The following SCRT2 variants were observed in gnomAD, a reference collection of about 807,000 sequenced individuals.
SCRT2 encodes transcriptional repressor scratch 2.
A neutral mutation model predicts 3.7 loss-of-function variants in SCRT2; 2 were observed. The observed-to-expected ratio is 0.54, with a 90% confidence interval of 0.22 to 1.70. The LOEUF is 1.70. SCRT2 is among the 40% of genes most tolerant of loss of function. The pLI is 0.19. For missense variants in SCRT2, 456 were observed against 468.5 expected (o/e 0.97, Z 0.25); for synonymous variants, 256 against 220.6 (o/e 1.16, Z -1.42).
intron 1 of SCRT2, among the ~76,000 whole-genome samples, chr20:668,959 G>T (rs1043768919): frequency 1.1e-4 from 16 of 152,230 alleles, no homozygotes; most frequent in Admixed American, 6.5e-4. Context: ...AGAGAGGGGA[G>T]AGGATTTGCC....
chr20:675,631 G>T lies in SCRT2; in HGVS notation c.-30C>A. 1 of 1,261,846 alleles carries T rather than the reference G, an allele frequency of 7.9e-7. No homozygotes were observed. The highest frequency in any genetic ancestry group is 1.6e-5 in the African/African-American group (1 of 64,482). 78.2% of individuals were successfully genotyped at this position (1,261,846 alleles called of 1,614,324 possible). On this transcript the variant is annotated 5_prime_UTR_variant, in exon 1 of 2. Coordinates refer to ENST00000246104, the MANE Select transcript of SCRT2 (RefSeq NM_033129.4). The surrounding 1 kb of genome is among the most constrained non-coding windows in gnomAD (Gnocchi z 6.9). Reference sequence around the variant, plus strand: ...CGGCCGGCGCGGGGCTCGGTGCGGGGAGGCGGCCGGCCGGGCGCGATCGGC... The same window carrying T: ...CGGCCGGCGCGGGGCTCGGTGCGGGTAGGCGGCCGGCCGGGCGCGATCGGC...
rs1984082350 is a variant in SCRT2 at position 664,365 on chromosome 20, G to A, written c.230C>T (p.Ala77Val). The A allele has an allele frequency of 2.1e-6, 3 of 1,447,970 alleles. No individual in the cohort carries two copies. The highest frequency in any genetic ancestry group is 1.4e-5 in the African/African-American group (1 of 69,074). The allele number at this position is 1,447,970 out of a possible 1,614,324, so 89.7% of individuals were successfully genotyped here. ...APAEPAYPPA[A>V]PEEYSDPESP... ...TTCGGGGTCGCTGTACTCCTCCGGC[G>A]CCGCCGGCGGGTACGCGGGCTCGGC... The change falls in exon 2 of 2, where the codon GCG (alanine) becomes GTG (valine). Residue 77 changes from alanine to valine, a missense_variant. This residue lies in a region of SCRT2 where 306 missense variants were observed against 305.3 expected (regional missense o/e 1.00). Coordinates refer to ENST00000246104, the MANE Select transcript of SCRT2 (RefSeq NM_033129.4). The surrounding 1 kb of genome is among the most constrained non-coding windows in gnomAD (Gnocchi z 7.9).
intron 1 of SCRT2, among the ~76,000 whole-genome samples, chr20:673,928 C>T (rs1955011868): frequency 6.6e-6 from 1 of 152,202 alleles, no homozygotes; most frequent in Admixed American, 6.5e-5. Flanking sequence ...GCACACTCTC[C>T]AGCTTTGGCA....
chr20:674,442 A>ACACAC (rs1984455804), intron 1 of SCRT2, among the ~76,000 whole-genome samples: 2 of 87,814 alleles, frequency 2.3e-5, no homozygotes, highest in East Asian at 2.9e-4. Flanking sequence ...CACACACACA[A>ACACAC]CCCAAAGCTG....
rs753427110 is a variant in SCRT2, at chr20:666,484, GC to G, written c.134-2024del. On this transcript the variant is annotated intron_variant, in intron 1 of 1. Coordinates refer to ENST00000246104, the MANE Select transcript of SCRT2 (RefSeq NM_033129.4). This position sits in a 1 kb window ranked among gnomAD's most constrained non-coding sequence, Gnocchi z 4.4. ...ACTTACTGTGTGCACCAGGCTCTGT[GC>G]TAAGTGCTTCGCTCCCATCATCTCA... 6.6e-6 allele frequency among the ~76,000 whole-genome samples: 1 copy of G among 152,194 alleles called. No individual in the cohort carries two copies. Among genetic ancestry groups the G allele is most frequent in the Non-Finnish European group, 1.5e-5 (1 of 68,036 alleles).
At position 675,431 on chromosome 20, in the gene SCRT2, C is replaced by T; in HGVS notation, c.133+38G>A. Reference sequence around the variant, plus strand: ...GGGAGGGCCCCAGCTCCCCTCGCCTCTTCTCCCAACCCCCCGCCCCCGCCG... The same window carrying T: ...GGGAGGGCCCCAGCTCCCCTCGCCTTTTCTCCCAACCCCCCGCCCCCGCCG... On this transcript the variant is annotated intron_variant, in intron 1 of 1. Coordinates refer to ENST00000246104, the MANE Select transcript of SCRT2 (RefSeq NM_033129.4). This position sits in a 1 kb window ranked among gnomAD's most constrained non-coding sequence, Gnocchi z 6.9. 3.1e-6 allele frequency: 4 copies of T among 1,290,758 alleles called. No individual in the cohort carries two copies. Among genetic ancestry groups the T allele is most frequent in the South Asian group, 2.5e-5 (1 of 39,644 alleles). The allele number at this position is 1,290,758 out of a possible 1,614,324, so 80.0% of individuals were successfully genotyped here. A position where few individuals can be genotyped will look rare whatever the true frequency, so the allele number is the denominator to read the frequency against.
chr20:667,104 C>T lies in SCRT2; in HGVS notation c.134-2643G>A, dbSNP rs1011537212. On this transcript the variant is annotated intron_variant, in intron 1 of 1. Transcript: ENST00000246104. This position sits in a 1 kb window ranked among gnomAD's most constrained non-coding sequence, Gnocchi z 4.4. ...CGATTTGGCCTCTGTGTGACTCTAC[C>T]GTTTCAGTAAGGGGTCTGCCAGTAA... 7.2e-5 allele frequency among the ~76,000 whole-genome samples: 11 copies of T among 152,154 alleles called. No homozygotes were observed. Among genetic ancestry groups the T allele is most frequent in the Admixed American group, 4.6e-4 (7 of 15,278 alleles).
In SCRT2 at chr20:664,319, C is replaced by T. The variant is rs1192074091; in HGVS notation, c.276G>A (p.Ser92=). 6.7e-7 allele frequency: 1 copy of T among 1,503,658 alleles called. No homozygotes were observed. The highest frequency in any genetic ancestry group is 9.0e-7 in the Non-Finnish European group (1 of 1,116,852). 93.1% of individuals were successfully genotyped at this position (1,503,658 alleles called of 1,614,324 possible). A position where few individuals can be genotyped will look rare whatever the true frequency, so the allele number is the denominator to read the frequency against. The change falls in exon 2 of 2, where the codon TCG becomes TCA. Residue 92 remains serine, a synonymous_variant. Coordinates refer to ENST00000246104, the MANE Select transcript of SCRT2 (RefSeq NM_033129.4). The surrounding 1 kb of genome is among the most constrained non-coding windows in gnomAD (Gnocchi z 7.9). ...CCGCCTCCCCTCGGAAGTAGCGCGC[C>T]GACAGGCTCGACTGCGGGCTTTCGG... is the stretch of plus-strand genomic sequence containing the variant. ...SDPESPQSSL[S]ARYFRGEAAV...
chr20:674,046 G>A (rs1173478286), intron 1 of SCRT2, among the ~76,000 whole-genome samples: 1 of 152,188 alleles, frequency 6.6e-6, no homozygotes, highest in Non-Finnish European at 1.5e-5. Context: ...AAAGAGGACA[G>A]TAGAATAAGG....
In SCRT2 at chr20:663,649, G is replaced by A. The variant is rs1984035927; in HGVS notation, c.*22C>T. The A allele has an allele frequency of 7.2e-7, 1 of 1,387,336 alleles. No individual in the cohort carries two copies. Among genetic ancestry groups the A allele is most frequent in the East Asian group, 3.0e-5 (1 of 33,400 alleles). The allele number at this position is 1,387,336 out of a possible 1,614,324, so 85.9% of individuals were successfully genotyped here. A position where few individuals can be genotyped will look rare whatever the true frequency, so the allele number is the denominator to read the frequency against. On this transcript the variant is annotated 3_prime_UTR_variant, in exon 2 of 2. Transcript: ENST00000246104. The surrounding 1 kb of genome is among the most constrained non-coding windows in gnomAD (Gnocchi z 6.9). ...GGGGCGCGTGGAGAGCGAGTTCCGG[G>A]CGCGAGGGCGAGGCGGAAGGCTCAG...
chr20:673,394 C>T (rs1984408595), intron 1 of SCRT2, among the ~76,000 whole-genome samples: 1 of 152,218 alleles, frequency 6.6e-6, no homozygotes, highest in Non-Finnish European at 1.5e-5. Context: ...TCTTTCACTG[C>T]TGGGGAGGCT....
rs1006999028 is a variant in SCRT2 at position 663,646 on chromosome 20, C to T, written c.*25G>A. On this transcript the variant is annotated 3_prime_UTR_variant, in exon 2 of 2. Coordinates refer to ENST00000246104, the MANE Select transcript of SCRT2 (RefSeq NM_033129.4). This position sits in a 1 kb window ranked among gnomAD's most constrained non-coding sequence, Gnocchi z 6.9. The stretch of plus-strand genomic sequence containing the variant: ...CCCGGGGCGCGTGGAGAGCGAGTTC[C>T]GGGCGCGAGGGCGAGGCGGAAGGCT... 1.4e-6 allele frequency: 2 copies of T among 1,379,940 alleles called. No homozygotes were observed. The highest frequency in any genetic ancestry group is 3.1e-5 in the African/African-American group (2 of 65,300). The allele number at this position is 1,379,940 out of a possible 1,614,324, so 85.5% of individuals were successfully genotyped here. A position where few individuals can be genotyped will look rare whatever the true frequency, so the allele number is the denominator to read the frequency against.
chr20:675,360 C>T lies in SCRT2; in HGVS notation c.133+109G>A, dbSNP rs934499947. On this transcript the variant is annotated intron_variant, in intron 1 of 1. Coordinates refer to ENST00000246104, the MANE Select transcript of SCRT2 (RefSeq NM_033129.4). This position sits in a 1 kb window ranked among gnomAD's most constrained non-coding sequence, Gnocchi z 6.9. Reference sequence around the variant, plus strand: ...GAGCCCACGGCCAGAGAGATCTCCTCCCGGGGGTTTCCTGTCGCACGCGCC... The same window carrying T: ...GAGCCCACGGCCAGAGAGATCTCCTTCCGGGGGTTTCCTGTCGCACGCGCC... 25 of 963,648 alleles carry T rather than the reference C, an allele frequency of 2.6e-5. No individual in the cohort carries two copies. The highest frequency in any genetic ancestry group is 4.3e-5 in the Admixed American group (1 of 23,156). The allele number at this position is 963,648 out of a possible 1,614,324, so 59.7% of individuals were successfully genotyped here.
intron 1 of SCRT2, among the ~76,000 whole-genome samples, chr20:672,519 A>C (rs538440848): frequency 5.3e-5 from 8 of 151,724 alleles, no homozygotes; most frequent in African/African-American, 1.7e-4. Context: ...CACCTCTTTA[A>C]TTTGGGGTTC....
rs1319875665 is a variant in SCRT2, at chr20:663,750, T to C, written c.845A>G (p.Tyr282Cys). The C allele has an allele frequency of 1.3e-6, 2 of 1,570,732 alleles. No individual in the cohort carries two copies. The highest frequency in any genetic ancestry group is 1.9e-5 in the Admixed American group (1 of 53,614). ...QCDKSFALKS[Y>C]LHKHCEAACA... Reference sequence around the variant, plus strand: ...GGCCGCCTCGCAGTGCTTGTGGAGGTAGGACTTGAGCGCGAAGCTCTTGTC... The same window carrying C: ...GGCCGCCTCGCAGTGCTTGTGGAGGCAGGACTTGAGCGCGAAGCTCTTGTC... Residue 282 changes from tyrosine (Y) to cysteine (C), a missense_variant, in exon 2 of 2, where the codon TAC (tyrosine) becomes TGC (cysteine). Transcript: ENST00000246104. The surrounding 1 kb of genome is among the most constrained non-coding windows in gnomAD (Gnocchi z 6.9).
chr20:672,388 CGTGTGTGTGTGTGT>C (rs6147265), intron 1 of SCRT2, among the ~76,000 whole-genome samples: 9 of 147,184 alleles, frequency 6.1e-5, no homozygotes, highest in East Asian at 2.0e-4. Flanking sequence ...GAGCATTGCT[CGTGTGTGTGTGTGT>C]GTGTGTGTGT....
rs913495428 is a variant in SCRT2 at position 664,450 on chromosome 20, G to T, written c.145C>A (p.His49Asn). 7.9e-7 allele frequency: 1 copy of T among 1,272,638 alleles called. No individual in the cohort carries two copies. 78.8% of individuals were successfully genotyped at this position (1,272,638 alleles called of 1,614,324 possible). The change falls in exon 2 of 2, where the codon CAC becomes AAC. Residue 49 changes from histidine (H) to asparagine (N), a missense_variant. Transcript: ENST00000246104. This position sits in a 1 kb window ranked among gnomAD's most constrained non-coding sequence, Gnocchi z 7.9. The part of the protein sequence containing the change: ...GPPGDNGYAP[H>N]RLPPSSYDAD... ...TCGTAGCTGCTCGGGGGCAGGCGGT[G>T]CGGGGCGTACCCTGGAGGGGGCGAG...
chr20:664,568 G>C lies in SCRT2; in HGVS notation c.134-107C>G. Reference sequence around the variant, plus strand: ...CTTCCAGCTTGGCGCCCCTGTGGCAGCTCCGACAGTGGTGGTCTCCGACCT... The same window carrying C: ...CTTCCAGCTTGGCGCCCCTGTGGCACCTCCGACAGTGGTGGTCTCCGACCT... On this transcript the variant is annotated intron_variant, in intron 1 of 1. Transcript: ENST00000246104. This position sits in a 1 kb window ranked among gnomAD's most constrained non-coding sequence, Gnocchi z 7.9. 1.3e-6 allele frequency: 1 copy of C among 776,120 alleles called. No individual in the cohort carries two copies. Among genetic ancestry groups the C allele is most frequent in the Non-Finnish European group, 1.8e-6 (1 of 570,314 alleles). 48.1% of individuals were successfully genotyped at this position (776,120 alleles called of 1,614,324 possible). A position where few individuals can be genotyped will look rare whatever the true frequency, so the allele number is the denominator to read the frequency against.
In SCRT2 at chr20:675,732, G is replaced by T. The variant is rs535591466; in HGVS notation, c.-131C>A. The T allele has an allele frequency of 2.7e-4, 137 of 514,360 alleles. No individual in the cohort carries two copies. Among genetic ancestry groups the T allele is most frequent in the Non-Finnish European group, 3.7e-4 (135 of 362,420 alleles). 31.9% of individuals were successfully genotyped at this position (514,360 alleles called of 1,614,324 possible). A position where few individuals can be genotyped will look rare whatever the true frequency, so the allele number is the denominator to read the frequency against. On this transcript the variant is annotated 5_prime_UTR_variant, in exon 1 of 2. Coordinates refer to ENST00000246104, the MANE Select transcript of SCRT2 (RefSeq NM_033129.4). The surrounding 1 kb of genome is among the most constrained non-coding windows in gnomAD (Gnocchi z 6.9). ...CGGGAGGCCGCTCGGAGCCGGCACCGGTGGCGGCGGCCCCGGCTCGGGCTC... is the reference window on the plus strand; with the variant it reads ...CGGGAGGCCGCTCGGAGCCGGCACCTGTGGCGGCGGCCCCGGCTCGGGCTC...
Sources: gnomAD v4.1 joint callset for allele counts (sites outside exome capture counted in the v4.1 genomes callset) on GRCh38, gnomAD v4.1.1 for gene constraint, gnomAD v4.1.1 regional missense constraint, Gnocchi (gnomAD v3.1) non-coding constraint, MANE v1.5 for transcripts, NCBI Gene and HGNC (gene_info 2026-07-23, HGNC 2026-07-21) for gene names.